Variants in CSMD1 observed in about 807,000 individuals in gnomAD.
CSMD1 encodes the protein CUB and Sushi multiple domains 1.
A neutral mutation model predicts 417.5 loss-of-function variants in CSMD1; 213 were observed. The observed-to-expected ratio is 0.51, with a 90% CI of 0.46 to 0.57. The LOEUF is 0.57. Ranked by LOEUF, CSMD1 falls within the 20% of genes least tolerant of loss-of-function variation. CSMD1 has a pLI of 0.00. For missense variants in CSMD1, 6,923 were observed against 4,529.7 expected (o/e 1.53, Z -15.17); for synonymous variants, 2,862 against 1,736.8 (o/e 1.65, Z -16.11).
intron 6 of CSMD1, among the ~76,000 whole-genome samples, chr8:3,733,230 T>A (rs563297357): frequency 3.1e-4 from 46 of 146,588 alleles, no homozygotes; most frequent in African/African-American, 1.1e-3. Context: ...TACATACACA[T>A]ACATATATTA....
At chr8:3,479,424 G>T (rs1373799111) in intron 11 of CSMD1, among the ~76,000 whole-genome samples, 3 of 152,108 alleles carry the variant, frequency 2.0e-5, no homozygotes, top group African/African-American at 7.2e-5. Flanking sequence ...GGGATTACAG[G>T]CATGCACCAC....
At chr8:3,899,188 G>T (rs1245737582) in intron 5 of CSMD1, among the ~76,000 whole-genome samples, 1 of 152,176 alleles carries the variant, frequency 6.6e-6, no homozygotes, top group Non-Finnish European at 1.5e-5. Flanking sequence ...CCTAGGACAG[G>T]AGGCCAATCA....
At chr8:4,046,598 C>G (rs1217601961) in intron 3 of CSMD1, among the ~76,000 whole-genome samples, 1 of 152,120 alleles carries the variant, frequency 6.6e-6, no homozygotes, top group East Asian at 1.9e-4. Flanking sequence ...TGAAGACCTA[C>G]TGTTGATTGT....
chr8:2,978,122 T>C (rs1414186785), intron 55 of CSMD1, among the ~76,000 whole-genome samples: 1 of 152,188 alleles, frequency 6.6e-6, no homozygotes, highest in Admixed American at 6.5e-5. Context: ...CCATGGACTG[T>C]ACCAGGAATG....
At chr8:4,459,120 C>T (rs1585112337) in intron 2 of CSMD1, among the ~76,000 whole-genome samples, 1 of 152,188 alleles carries the variant, frequency 6.6e-6, no homozygotes, top group Admixed American at 6.5e-5. Flanking sequence ...CCAGGAGGGT[C>T]AGGCCACCAT....
intron 33 of CSMD1, among the ~76,000 whole-genome samples, chr8:3,197,124 G>T (rs1016579467): frequency 1.3e-5 from 2 of 152,194 alleles, no homozygotes; most frequent in Non-Finnish European, 2.9e-5. Flanking sequence ...TGCTTCAGAA[G>T]TTCAGAAAGA....
chr8:3,934,284 T>G (rs996945681), intron 5 of CSMD1, among the ~76,000 whole-genome samples: 1 of 152,198 alleles, frequency 6.6e-6, no homozygotes, highest in South Asian at 2.1e-4. Flanking sequence ...CAATTTAATC[T>G]GAACCAAAGT....
At chr8:3,452,329 C>T (rs556769568) in intron 12 of CSMD1, among the ~76,000 whole-genome samples, 9 of 152,044 alleles carry the variant, frequency 5.9e-5, no homozygotes, top group African/African-American at 4.8e-5. Context: ...GCCTGATTGC[C>T]CTGGCCAGAA....
chr8:4,906,638 C>T (rs1402316285), intron 1 of CSMD1, among the ~76,000 whole-genome samples: 2 of 152,100 alleles, frequency 1.3e-5, no homozygotes, highest in East Asian at 1.9e-4. Context: ...AGCTGTGCAA[C>T]CTCCAACTCC....
intron 10 of CSMD1, among the ~76,000 whole-genome samples, chr8:3,521,626 G>A (rs561302081): frequency 2.6e-5 from 4 of 152,284 alleles, no homozygotes; most frequent in Admixed American, 1.3e-4. Flanking sequence ...TGTACACGGA[G>A]CAAAGTACAT....
At chr8:3,262,643 G>A (rs1801164556) in intron 26 of CSMD1, among the ~76,000 whole-genome samples, 1 of 152,000 alleles carries the variant, frequency 6.6e-6, no homozygotes, top group Non-Finnish European at 1.5e-5. Flanking sequence ...TTAAAGTAGA[G>A]GTATAGACAG....
chr8:4,676,611 T>C (rs909867990), intron 1 of CSMD1, among the ~76,000 whole-genome samples: 3 of 152,146 alleles, frequency 2.0e-5, no homozygotes, highest in African/African-American at 7.2e-5. Flanking sequence ...CTTATCTCCA[T>C]TCTCCTTTCG....
At chr8:4,580,517 G>A (rs919035433) in intron 2 of CSMD1, among the ~76,000 whole-genome samples, 3 of 152,128 alleles carry the variant, frequency 2.0e-5, no homozygotes, top group Admixed American at 6.5e-5. Context: ...GTTCTGGCTC[G>A]GGCCGTCGGG....
chr8:4,494,988 G>T (rs1348209085), intron 2 of CSMD1, among the ~76,000 whole-genome samples: 1 of 151,910 alleles, frequency 6.6e-6, no homozygotes, highest in South Asian at 2.1e-4. Context: ...AAGAAAAGAA[G>T]TACTAAAGAG....
intron 5 of CSMD1, among the ~76,000 whole-genome samples, chr8:3,875,856 A>C (rs1002108113): frequency 6.6e-6 from 1 of 152,212 alleles, no homozygotes; most frequent in African/African-American, 2.4e-5. Context: ...TGCCTTTTGG[A>C]AACACTAGAG....
chr8:4,405,282 T>A (rs1039062115), intron 3 of CSMD1, among the ~76,000 whole-genome samples: 1 of 152,226 alleles, frequency 6.6e-6, no homozygotes, highest in Non-Finnish European at 1.5e-5. Context: ...AAAATGATAT[T>A]ATCATAGCAT....
intron 4 of CSMD1, among the ~76,000 whole-genome samples, chr8:4,030,920 G>A (rs562966594): frequency 1.3e-5 from 2 of 151,970 alleles, no homozygotes; most frequent in Admixed American, 1.3e-4. Flanking sequence ...CTAGGGCAGG[G>A]GCAAAATGCC....
At chr8:4,151,804 A>T in intron 3 of CSMD1, among the ~76,000 whole-genome samples, 1 of 152,336 alleles carries the variant, frequency 6.6e-6, no homozygotes, top group Non-Finnish European at 1.5e-5. Context: ...TATGAAAAAT[A>T]ATTGTTCGAA....
At chr8:3,214,746 T>A in intron 29 of CSMD1, 55 bp from the exon 30 acceptor site, 2 of 1,405,194 alleles carry the variant, frequency 1.4e-6, no homozygotes, top group Non-Finnish European at 1.9e-6. Context: ...TTCTTGTTTG[T>A]GTTTTTGTTT....
Sources: allele counts gnomAD v4.1 joint callset (sites outside exome capture counted in the v4.1 genomes callset), GRCh38; gene constraint gnomAD v4.1.1; transcripts MANE v1.5; gene names NCBI Gene and HGNC (gene_info 2026-07-23, HGNC 2026-07-21).